Variants in LYPLAL1 observed in about 807,000 individuals in gnomAD.
The protein encoded by LYPLAL1 is lysophospholipase like 1.
Under a neutral mutation model 19.7 loss-of-function variants are expected in LYPLAL1, and 23 were observed. The ratio of observed to expected loss-of-function variants is 1.17; its 90% CI spans 0.84 to 1.65. The LOEUF (loss-of-function observed/expected upper bound fraction) is 1.65, where lower values mean the gene tolerates loss of function less well. Among genes scored for constraint, LYPLAL1 ranks in the 40% most tolerant of loss-of-function variants. The pLI, the probability that LYPLAL1 is intolerant of heterozygous loss-of-function variation, is 0.00. For missense variants in LYPLAL1, 355 were observed against 279.4 expected (o/e 1.27, Z -1.93); for synonymous variants, 119 against 96.3 (o/e 1.24, Z -1.38).
At chr1:219,239,332 A>G in the LYPLAL1 span, among the ~76,000 whole-genome samples, 1 of 152,328 alleles carries the variant, frequency 6.6e-6, no homozygotes, top group East Asian at 1.9e-4. Flanking sequence ...CATTTCCAGA[A>G]TCCAGCACAG....
chr1:219,266,868 T>C, the LYPLAL1 span, among the ~76,000 whole-genome samples: 1 of 152,190 alleles, frequency 6.6e-6, no homozygotes, highest in African/African-American at 2.4e-5. Context: ...ACTGATATCT[T>C]TCCCCAAAAT....
At chr1:219,353,154 G>A in the LYPLAL1 span, among the ~76,000 whole-genome samples, 1 of 152,204 alleles carries the variant, frequency 6.6e-6, no homozygotes, top group Non-Finnish European at 1.5e-5. Context: ...TTGCCTGGAG[G>A]CATTTACTAG....
At chr1:219,360,700 A>T in the LYPLAL1 span, among the ~76,000 whole-genome samples, 1 of 152,106 alleles carries the variant, frequency 6.6e-6, no homozygotes, top group Non-Finnish European at 1.5e-5. Context: ...ATGTAAGAGG[A>T]CACTTGCTGC....
intron 2 of LYPLAL1, among the ~76,000 whole-genome samples, chr1:219,185,054 G>A (rs547240540): frequency 1.6e-3 from 247 of 151,840 alleles, no homozygotes; most frequent in Middle Eastern, 6.8e-3. Flanking sequence ...TTTTATGAAG[G>A]TTTTGATAAT....
the LYPLAL1 span, among the ~76,000 whole-genome samples, chr1:219,229,064 T>C: frequency 1.3e-5 from 2 of 151,970 alleles, no homozygotes; most frequent in Non-Finnish European, 2.9e-5. Context: ...ATTTTATATA[T>C]GAGTAAACTG....
chr1:219,211,082 A>C (rs953470526), intron 4 of LYPLAL1, among the ~76,000 whole-genome samples: 5 of 152,170 alleles, frequency 3.3e-5, no homozygotes, highest in Admixed American at 2.6e-4. Flanking sequence ...TTACAGCTTC[A>C]GTACCAGAAG....
chr1:219,268,694 C>T, the LYPLAL1 span, among the ~76,000 whole-genome samples: 2 of 152,216 alleles, frequency 1.3e-5, no homozygotes, highest in African/African-American at 2.4e-5. Flanking sequence ...CATCCAGACT[C>T]CTCTGCAAAG....
At chr1:219,269,815 C>T in the LYPLAL1 span, among the ~76,000 whole-genome samples, 1 of 152,066 alleles carries the variant, frequency 6.6e-6, no homozygotes, top group African/African-American at 2.4e-5. Context: ...AGTAGAAAAT[C>T]TCTGATATAG....
At chr1:219,181,121 T>C (rs192955814) in intron 2 of LYPLAL1, among the ~76,000 whole-genome samples, 1 of 152,358 alleles carries the variant, frequency 6.6e-6, no homozygotes, top group Non-Finnish European at 1.5e-5. Flanking sequence ...TAACCCAGTA[T>C]ATTCAAAATA....
chr1:219,285,168 G>A, the LYPLAL1 span, among the ~76,000 whole-genome samples: 1 of 152,104 alleles, frequency 6.6e-6, no homozygotes, highest in East Asian at 1.9e-4. Flanking sequence ...TTTTCCTTAA[G>A]GAAAAGAAAT....
chr1:219,282,729 C>CA, the LYPLAL1 span, among the ~76,000 whole-genome samples: 17 of 150,324 alleles, frequency 1.1e-4, no homozygotes, highest in African/African-American at 3.2e-4. Context: ...ATTTTTTTTC[C>CA]AAAAAAAATC....
chr1:219,395,529 A>T, the LYPLAL1 span, among the ~76,000 whole-genome samples: 1 of 152,126 alleles, frequency 6.6e-6, no homozygotes, highest in Non-Finnish European at 1.5e-5. Context: ...CCTCTGTCAA[A>T]TGTATAGTTG....
intron 2 of LYPLAL1, among the ~76,000 whole-genome samples, chr1:219,182,607 T>G (rs1436925660): frequency 6.6e-6 from 1 of 152,096 alleles, no homozygotes; most frequent in Non-Finnish European, 1.5e-5. Context: ...TTTAATAACC[T>G]TTTTAAAAAT....
the LYPLAL1 span, among the ~76,000 whole-genome samples, chr1:219,340,981 G>A: frequency 6.6e-6 from 1 of 152,024 alleles, no homozygotes; most frequent in African/African-American, 2.4e-5. Context: ...CTAAACTGCT[G>A]TAGTCTTTGT....
the LYPLAL1 span, among the ~76,000 whole-genome samples, chr1:219,294,600 G>T: frequency 2.0e-5 from 3 of 152,086 alleles, no homozygotes; most frequent in African/African-American, 7.2e-5. Flanking sequence ...ACCAAATTTT[G>T]TTCTTTCAAA....
the LYPLAL1 span, among the ~76,000 whole-genome samples, chr1:219,244,524 T>G: frequency 6.6e-6 from 1 of 152,178 alleles, no homozygotes; most frequent in Non-Finnish European, 1.5e-5. Context: ...CAGTGAGGAC[T>G]GTATGGAAGG....
At chr1:219,336,104 T>C in the LYPLAL1 span, among the ~76,000 whole-genome samples, 1 of 151,148 alleles carries the variant, frequency 6.6e-6, no homozygotes, top group South Asian at 2.1e-4. Context: ...GACAAAAAAC[T>C]CTTGGCACAG....
chr1:219,304,916 T>C, the LYPLAL1 span, among the ~76,000 whole-genome samples: 1,967 of 152,368 alleles, frequency 0.013, 33 homozygotes, highest in South Asian at 0.076. Flanking sequence ...CTTGACACAG[T>C]ACTGCAGGTT....
At chr1:219,329,064 CT>C in the LYPLAL1 span, among the ~76,000 whole-genome samples, 5 of 150,880 alleles carry the variant, frequency 3.3e-5, no homozygotes, top group Non-Finnish European at 5.9e-5. Flanking sequence ...CTTTTATTCT[CT>C]TTTTTTTCTG....
Sources: gnomAD v4.1 joint callset for allele counts (sites outside exome capture counted in the v4.1 genomes callset) on GRCh38, gnomAD v4.1.1 for gene constraint, MANE v1.5 for transcripts, NCBI Gene and HGNC (gene_info 2026-07-23, HGNC 2026-07-21) for gene names.